The following KLHL24 variants were observed in gnomAD, a reference collection of about 807,000 sequenced individuals.
The protein encoded by KLHL24 is kelch-like protein 24.
Under a neutral mutation model 53.4 loss-of-function variants are expected in KLHL24, and 29 were observed. That is an observed-to-expected ratio of 0.54 (90% confidence interval 0.40 to 0.74). KLHL24 has a LOEUF of 0.74. KLHL24 is among the 30% of genes least tolerant of loss of function. KLHL24 has a pLI of 0.00. For synonymous variants in KLHL24, 222 were observed against 253.7 expected (o/e 0.88, Z 1.19); for missense variants, 504 against 744.0 (o/e 0.68, Z 3.75).
At chr3:183,665,907 G>A (rs1720490674) in intron 5 of KLHL24, among the ~76,000 whole-genome samples, 1 of 145,218 alleles carries the variant, frequency 6.9e-6, no homozygotes, top group Non-Finnish European at 1.5e-5. Flanking sequence ...TTTGAGACAA[G>A]GTCTCTTACT....
chr3:183,641,951 G>A (rs1206524521), intron 1 of KLHL24, among the ~76,000 whole-genome samples: 1 of 152,152 alleles, frequency 6.6e-6, no homozygotes, highest in Non-Finnish European at 1.5e-5. Context: ...ATGTCCAGGT[G>A]AATTGCCTTA....
At chr3:183,667,314 G>C (rs957185951) in intron 5 of KLHL24, among the ~76,000 whole-genome samples, 6 of 152,236 alleles carry the variant, frequency 3.9e-5, no homozygotes, top group African/African-American at 1.4e-4. Flanking sequence ...TACTCGGGAG[G>C]CTGAGGCAGA....
At position 183,679,851 on chromosome 3, in the gene KLHL24, A is replaced by G. The variant is rs1432977682; in HGVS notation, c.*565A>G. ...GTAATGACAACAATTCAGGCATCAT[A>G]AAATACTGAACTATTGTGACTTTAT... On this transcript the variant is annotated 3_prime_UTR_variant, in exon 8 of 8. Coordinates refer to ENST00000242810, the MANE Select transcript of KLHL24 (RefSeq NM_017644.3). 6.6e-6 allele frequency: 1 copy of G among 152,568 alleles called. No homozygotes were observed. Among genetic ancestry groups the G allele is most frequent in the Non-Finnish European group, 1.5e-5 (1 of 68,358 alleles). 9.5% of individuals were successfully genotyped at this position (152,568 alleles called of 1,614,324 possible).
intron 3 of KLHL24, 58 bp downstream of exon 3, chr3:183,651,334 C>A (rs1298114369): frequency 4.1e-6 from 5 of 1,215,624 alleles, no homozygotes; most frequent in Non-Finnish European, 1.2e-6. Context: ...CTTTAAACCT[C>A]CTGAATGCAA....
chr3:183,636,549 G>A (rs1247379204), intron 1 of KLHL24: 1 of 152,326 alleles, frequency 6.6e-6, no homozygotes, highest in East Asian at 1.9e-4. Flanking sequence ...CCAGGACTCA[G>A]TTTCTTAATT....
At chr3:183,677,546 C>G (rs1199499385) in intron 7 of KLHL24, among the ~76,000 whole-genome samples, 1 of 151,960 alleles carries the variant, frequency 6.6e-6, no homozygotes, top group African/African-American at 2.4e-5. Context: ...ATAAAGCCAC[C>G]AAGATTTAAT....
chr3:183,646,363 A>C (rs1576893308), intron 2 of KLHL24, among the ~76,000 whole-genome samples: 3 of 80,556 alleles, frequency 3.7e-5, no homozygotes, highest in Admixed American at 2.5e-4. Context: ...CTCCATCTCA[A>C]AAAAAAAAAA....
At chr3:183,639,644 AAAAAAAAAAT>A (rs1193560046) in intron 1 of KLHL24, among the ~76,000 whole-genome samples, 6 of 147,908 alleles carry the variant, frequency 4.1e-5, no homozygotes, top group Non-Finnish European at 3.0e-5. Flanking sequence ...AAAAAAAAAA[AAAAAAAAAAT>A]CTCAAATTTG....
Position 183,682,408 on chromosome 3 carries a change from AC to A in KLHL24, c.*3124del, listed in dbSNP as rs1483351877. Reference sequence around the variant, plus strand: ...ATACTAGTGTATTGGATCTTCAGTAACCTTTTTATTTCCTAGATGATTGAAA... The same window carrying A: ...ATACTAGTGTATTGGATCTTCAGTAACTTTTTATTTCCTAGATGATTGAAA... On this transcript the variant is annotated 3_prime_UTR_variant, in exon 8 of 8. Coordinates refer to ENST00000242810, the MANE Select transcript of KLHL24 (RefSeq NM_017644.3). 1 of 152,518 alleles carries A rather than the reference AC, an allele frequency of 6.6e-6. No individual in the cohort carries two copies. 9.4% of individuals were successfully genotyped at this position (152,518 alleles called of 1,614,324 possible).
intron 3 of KLHL24, among the ~76,000 whole-genome samples, chr3:183,660,136 T>G (rs906512971): frequency 6.7e-6 from 1 of 149,218 alleles, no homozygotes; most frequent in African/African-American, 2.4e-5. Context: ...TCTTTCTTTT[T>G]TTTTTTTTTT....
At chr3:183,659,957 G>A (rs959518142) in intron 3 of KLHL24, among the ~76,000 whole-genome samples, 1 of 152,106 alleles carries the variant, frequency 6.6e-6, no homozygotes, top group African/African-American at 2.4e-5. Context: ...ATAGTAAGGT[G>A]GTGGTGGTGT....
Position 183,650,470 on chromosome 3 carries a change from G to GT in KLHL24, c.120dup (p.Asp41Ter). Reference sequence around the variant, plus strand: ...ACCCCAAATCTCTGACAGGTCATGAGTTTTTTGACTTCTCTTCAGGATCAT... The same window carrying GT: ...ACCCCAAATCTCTGACAGGTCATGAGTTTTTTTGACTTCTCTTCAGGATCAT... On this transcript the variant is annotated frameshift_variant, in exon 3 of 8. Transcript: ENST00000242810. LOFTEE classifies it high-confidence loss of function. The surrounding 1 kb of genome is among the most constrained non-coding windows in gnomAD (Gnocchi z 4.5). The GT allele has an allele frequency of 6.2e-7, 1 of 1,614,114 alleles. No homozygotes were observed. Among genetic ancestry groups the GT allele is most frequent in the South Asian group, 1.1e-5 (1 of 91,086 alleles).
At chr3:183,662,598 T>C (rs1264316067) in intron 3 of KLHL24, among the ~76,000 whole-genome samples, 1 of 152,352 alleles carries the variant, frequency 6.6e-6, no homozygotes, top group East Asian at 1.9e-4. Context: ...CTTTTGGTTA[T>C]TCCTGTCTCT....
intron 1 of KLHL24, among the ~76,000 whole-genome samples, chr3:183,639,731 C>T (rs1716055410): frequency 6.6e-6 from 1 of 151,286 alleles, no homozygotes; most frequent in East Asian, 2.0e-4. Context: ...CCGGGCTGGG[C>T]GTGGTGACTC....
intron 2 of KLHL24, among the ~76,000 whole-genome samples, chr3:183,647,100 C>G (rs559810459): frequency 6.7e-6 from 1 of 148,816 alleles, no homozygotes; most frequent in Non-Finnish European, 1.5e-5. Context: ...CGTCAGCCAC[C>G]GCGCCCGGCC....
intron 2 of KLHL24, among the ~76,000 whole-genome samples, chr3:183,649,533 AAAAG>A (rs1717829984): frequency 6.6e-6 from 1 of 152,170 alleles, no homozygotes; most frequent in South Asian, 2.1e-4. Flanking sequence ...TAAAAAAAAA[AAAAG>A]GACTTGCTGG....
At chr3:183,674,271 C>CTT (rs918207559) in intron 7 of KLHL24, among the ~76,000 whole-genome samples, 16 of 150,118 alleles carry the variant, frequency 1.1e-4, no homozygotes, top group African/African-American at 3.0e-4. Context: ...TTCTTTCTTT[C>CTT]TTTCTTTCTT....
chr3:183,679,431 C>A lies in KLHL24; in HGVS notation c.*145C>A. The A allele has an allele frequency of 1.6e-6, 1 of 618,572 alleles. No individual in the cohort carries two copies. The highest frequency in any genetic ancestry group is 2.8e-6 in the Non-Finnish European group (1 of 360,576). 38.3% of individuals were successfully genotyped at this position (618,572 alleles called of 1,614,324 possible). A position where few individuals can be genotyped will look rare whatever the true frequency, so the allele number is the denominator to read the frequency against. On this transcript the variant is annotated 3_prime_UTR_variant, in exon 8 of 8. Transcript: ENST00000242810. ...TTTGGTGCCTTTCTCCTCAAAATAT[C>A]AATCTTTCAAACTATAATAAAGCCT...
chr3:183,665,539 A>G (rs1459329407), intron 5 of KLHL24, among the ~76,000 whole-genome samples: 1 of 152,204 alleles, frequency 6.6e-6, no homozygotes, highest in African/African-American at 2.4e-5. Flanking sequence ...TCATGAGGTC[A>G]GGAGATCGAG....
Sources: gnomAD v4.1 joint callset for allele counts (sites outside exome capture counted in the v4.1 genomes callset) on GRCh38, gnomAD v4.1.1 for gene constraint, Gnocchi (gnomAD v3.1) non-coding constraint, MANE v1.5 for transcripts, NCBI Gene and HGNC (gene_info 2026-07-23, HGNC 2026-07-21) for gene names.